The following ANKRD44 variants were observed in gnomAD, a reference collection of about 807,000 sequenced individuals.
ANKRD44 encodes the protein serine/threonine-protein phosphatase 6 regulatory ankyrin repeat subunit B.
Under a neutral mutation model 116.0 loss-of-function variants are expected in ANKRD44, and 35 were observed. The ratio of observed to expected loss-of-function variants is 0.30; its 90% CI spans 0.23 to 0.40. ANKRD44 has a LOEUF of 0.40. ANKRD44 is among the 10% of genes least tolerant of loss of function. ANKRD44 has a pLI of 1.00. For missense variants in ANKRD44, 1,014 were observed against 1,242.6 expected, an observed-to-expected ratio of 0.82 and a Z score of 2.77; for synonymous variants, 435 against 461.8, an observed-to-expected ratio of 0.94 and a Z score of 0.74.
At chr2:197,186,018 C>A (rs1233967933) in intron 2 of ANKRD44, among the ~76,000 whole-genome samples, 3 of 152,174 alleles carry the variant, frequency 2.0e-5, no homozygotes, top group Non-Finnish European at 4.4e-5. Context: ...TGGCCGTGTT[C>A]CAACAAAACT....
intron 16 of ANKRD44, among the ~76,000 whole-genome samples, chr2:197,062,709 C>T (rs577762528): frequency 1.3e-5 from 2 of 152,334 alleles, no homozygotes; most frequent in African/African-American, 4.8e-5. Context: ...GCCCACAAAG[C>T]CTCACTCATT....
chr2:197,047,104 C>T (rs570572188), intron 16 of ANKRD44, among the ~76,000 whole-genome samples: 12 of 152,040 alleles, frequency 7.9e-5, no homozygotes, highest in African/African-American at 2.4e-4. Flanking sequence ...CTACAAGCTC[C>T]GCCTCCTGGG....
chr2:197,130,108 G>C (rs2079063507), intron 4 of ANKRD44, among the ~76,000 whole-genome samples: 1 of 152,110 alleles, frequency 6.6e-6, no homozygotes. Flanking sequence ...TGTCCCTGAG[G>C]CTGCTCTTAA....
At chr2:197,103,119 T>C (rs10165722) in intron 9 of ANKRD44, among the ~76,000 whole-genome samples, 113,718 of 151,552 alleles carry the variant, frequency 0.75, 47,271 homozygotes, top group East Asian at 0.98. Flanking sequence ...TTCCAGTTAC[T>C]TGGGAGGCTG....
chr2:197,182,278 G>C (rs146226217), intron 2 of ANKRD44, among the ~76,000 whole-genome samples: 1 of 152,242 alleles, frequency 6.6e-6, no homozygotes, highest in East Asian at 1.9e-4. Flanking sequence ...CCAGGCCCTG[G>C]TATGCCATTA....
rs1008250459 is a variant in ANKRD44, at chr2:197,010,300, G to A, written c.1925-1269C>T. On this transcript the variant is annotated intron_variant, in intron 18 of 27. Transcript: ENST00000282272. ...TTGAGTGACGGTCCCTCAGCCCCAC[G>A]GTCACCGAGCCACAGGCGGCGCTTT... Among the ~76,000 whole-genome samples the A allele has an allele frequency of 3.3e-5, 5 of 152,220 alleles. No individual in the cohort carries two copies. In the East Asian group the frequency reaches 7.8e-4, roughly 24 times the overall value.
chr2:197,181,546 T>G (rs1191339757), intron 2 of ANKRD44, among the ~76,000 whole-genome samples: 1 of 152,170 alleles, frequency 6.6e-6, no homozygotes, highest in Non-Finnish European at 1.5e-5. Flanking sequence ...TTACGTGCAC[T>G]TCAATTTCAT....
rs186576008 is a variant in ANKRD44 at position 197,205,455 on chromosome 2, G to A, written c.28-18349C>T. ...TTTTCAGAACAACCTGGTGAGTTGCGAAGTGATGTCCTCCACCCCATTTCC... is the reference window on the plus strand; with the variant it reads ...TTTTCAGAACAACCTGGTGAGTTGCAAAGTGATGTCCTCCACCCCATTTCC... On this transcript the variant is annotated intron_variant, in intron 1 of 27. Transcript: ENST00000282272. Among the ~76,000 whole-genome samples, 89 of 152,300 alleles carry A rather than the reference G, an allele frequency of 5.8e-4. 1 individual carries two copies. The highest frequency in any genetic ancestry group is 1.3e-3 in the African/African-American group (56 of 41,560).
rs1481483690 is a variant in ANKRD44 at position 197,256,867 on chromosome 2, G to C, written c.27+53711C>G. The stretch of plus-strand genomic sequence containing the variant: ...ATGTACTCCCAGTAAATTGTAAACT[G>C]TCCTGTAAGGGGGCTTCAGCCTTCT... On this transcript the variant is annotated intron_variant, in intron 1 of 27. Transcript: ENST00000282272. Among the ~76,000 whole-genome samples, 3 of 152,120 alleles carry C rather than the reference G, an allele frequency of 2.0e-5. No homozygotes were observed. The East Asian group carries it at 5.8e-4, about 29-fold the overall frequency.
intron 1 of ANKRD44, among the ~76,000 whole-genome samples, chr2:197,288,579 C>A (rs2083471636): frequency 6.6e-6 from 1 of 152,066 alleles, no homozygotes; most frequent in African/African-American, 2.4e-5. Flanking sequence ...GTTATGGAAT[C>A]TAAGTGTCCA....
chr2:196,987,692 T>G lies in ANKRD44; in HGVS notation c.*1899A>C. ...GAATCATAGCAGATTTTAGGCAATT[T>G]GGAGATAGTAATGTATTTAGCAAAG... On this transcript the variant is annotated 3_prime_UTR_variant, in exon 28 of 28. Coordinates refer to ENST00000282272, the MANE Select transcript of ANKRD44 (RefSeq NM_001195144.2). 1 of 985,438 alleles carries G rather than the reference T, an allele frequency of 1.0e-6. No homozygotes were observed. The highest frequency in any genetic ancestry group is 1.7e-5 in the African/African-American group (1 of 57,362). The allele number at this position is 985,438 out of a possible 1,614,324, so 61.0% of individuals were successfully genotyped here.
intron 25 of ANKRD44, among the ~76,000 whole-genome samples, chr2:196,995,986 A>G (rs552905199): frequency 7.7e-4 from 118 of 152,338 alleles, no homozygotes; most frequent in African/African-American, 2.7e-3. Flanking sequence ...TTCTTCTTCA[A>G]TCAGTGGAAG....
At chr2:197,019,456 T>A (rs868538611) in intron 17 of ANKRD44, among the ~76,000 whole-genome samples, 3 of 152,180 alleles carry the variant, frequency 2.0e-5, no homozygotes, top group African/African-American at 4.8e-5. Flanking sequence ...CACTGAATTC[T>A]CACAACAACC....
chr2:197,145,009 G>A (rs2079460719), intron 3 of ANKRD44, among the ~76,000 whole-genome samples: 1 of 152,052 alleles, frequency 6.6e-6, no homozygotes, highest in African/African-American at 2.4e-5. Flanking sequence ...AGAGGTGGGT[G>A]GGCTGGGCAC....
At position 197,099,823 on chromosome 2, in the gene ANKRD44, T is replaced by C. The variant is rs763826542; in HGVS notation, c.1093A>G (p.Thr365Ala). The change falls in exon 10 of 28, where the codon ACA becomes GCA. Residue 365 changes from threonine (T) to alanine (A), a missense_variant. Physicochemically the swap from Thr to Ala is moderately conservative, Grantham distance 58 (BLOSUM62 0). Coordinates refer to ENST00000282272, the MANE Select transcript of ANKRD44 (RefSeq NM_001195144.2). The stretch of plus-strand genomic sequence containing the variant: ...ATTTTTGCGGTAACCTACTTGGCTG[T>C]GTCAGCTCCGCTGGTTATTAAGGTG... Reference protein sequence around the residue: ...INTLITSGADTAKCGIHSMFP... With the variant: ...INTLITSGADAAKCGIHSMFP... 2 of 1,614,030 alleles carry C rather than the reference T, an allele frequency of 1.2e-6. No homozygotes were observed. The highest frequency in any genetic ancestry group is 2.2e-5 in the East Asian group (1 of 44,886).
chr2:197,296,283 A>T (rs1341052310), intron 1 of ANKRD44: 1 of 152,070 alleles, frequency 6.6e-6, no homozygotes, highest in Non-Finnish European at 1.5e-5. Context: ...AGCCACTAGG[A>T]CCTTTTGAGG....
At chr2:197,098,196 A>G (rs1574451436) in intron 10 of ANKRD44, among the ~76,000 whole-genome samples, 1 of 152,070 alleles carries the variant, frequency 6.6e-6, no homozygotes, top group Non-Finnish European at 1.5e-5. Context: ...ATTTCACAAT[A>G]CTCAGTAATT....
At position 197,170,190 on chromosome 2, in the gene ANKRD44, C is replaced by CAAAAAAA. The variant is rs71012960; in HGVS notation, c.111+16826_111+16832dup. 8.6e-4 allele frequency among the ~76,000 whole-genome samples: 103 copies of CAAAAAAA among 119,722 alleles called. 1 individual carries two copies. Among genetic ancestry groups the CAAAAAAA allele is most frequent in the African/African-American group, 3.2e-3 (98 of 30,484 alleles). The allele number at this position is 119,722 out of a possible 152,430, so 78.5% of individuals were successfully genotyped here. On this transcript the variant is annotated intron_variant, in intron 2 of 27. Coordinates refer to ENST00000282272, the MANE Select transcript of ANKRD44 (RefSeq NM_001195144.2). Reference sequence around the variant, plus strand: ...GGGCGATAGAACAAGACCCTGTTTCCAAAAAAAAAAAAAAAAAAAAAAAAC... The same window carrying CAAAAAAA: ...GGGCGATAGAACAAGACCCTGTTTCCAAAAAAAAAAAAAAAAAAAAAAAAAAAAAAAC...
chr2:197,001,252 G>A (rs985325958), intron 22 of ANKRD44, among the ~76,000 whole-genome samples: 1 of 152,204 alleles, frequency 6.6e-6, no homozygotes, highest in African/African-American at 2.4e-5. Context: ...GCTGACTATG[G>A]AAGTCTGACT....
Sources: gnomAD v4.1 joint callset for allele counts (sites outside exome capture counted in the v4.1 genomes callset) on GRCh38, gnomAD v4.1.1 for gene constraint, MANE v1.5 for transcripts, NCBI Gene and HGNC (gene_info 2026-07-23, HGNC 2026-07-21) for gene names.